KLHDC4: variants seen among roughly 807,000 people sequenced by gnomAD.
KLHDC4 encodes the protein kelch domain containing 4, also known as kelch domain-containing protein 4.
In KLHDC4, 90 loss-of-function variants were observed where a neutral mutation model predicts 62.4. The ratio of observed to expected loss-of-function variants is 1.44; its 90% CI spans 1.22 to 1.72. The LOEUF (loss-of-function observed/expected upper bound fraction) is 1.72. Ranked by LOEUF, KLHDC4 falls within the 40% of genes most tolerant of loss-of-function variation. The pLI is 0.00. For missense variants in KLHDC4, 1,025 were observed against 699.7 expected (o/e 1.47, Z -5.25); for synonymous variants, 386 against 284.4 (o/e 1.36, Z -3.59).
At chr16:87,744,071 G>C (rs1419524283) in intron 5 of KLHDC4, among the ~76,000 whole-genome samples, 1 of 152,142 alleles carries the variant, frequency 6.6e-6, no homozygotes, top group Non-Finnish European at 1.5e-5. Context: ...TTGAGGTCAG[G>C]AGTTCAAGAC....
chr16:87,753,117 G>A (rs912707887), intron 4 of KLHDC4, among the ~76,000 whole-genome samples: 1 of 152,354 alleles, frequency 6.6e-6, no homozygotes, highest in African/African-American at 2.4e-5. Context: ...CAGGGACGCA[G>A]AGGCAGCTAA....
At chr16:87,707,375 G>T (rs1018751036), downstream of KLHDC4, among the ~76,000 whole-genome samples, 1 of 152,218 alleles carries the variant, frequency 6.6e-6, no homozygotes, top group African/African-American at 2.4e-5. Context: ...CAGGGACAGG[G>T]ATGGTCCCAC....
chr16:87,734,890 T>C (rs1224114292), intron 5 of KLHDC4, among the ~76,000 whole-genome samples: 1 of 151,814 alleles, frequency 6.6e-6, no homozygotes, highest in African/African-American at 2.4e-5. Context: ...ACCCCACACA[T>C]GCGGAGCAAG....
At chr16:87,763,279 C>A (rs1156953682) in intron 1 of KLHDC4, among the ~76,000 whole-genome samples, 3 of 152,204 alleles carry the variant, frequency 2.0e-5, no homozygotes, top group Admixed American at 2.0e-4. Flanking sequence ...TATCCCTAAG[C>A]AACATATAGT....
chr16:87,705,926 C>T (rs1487578098), downstream of KLHDC4, among the ~76,000 whole-genome samples: 14 of 152,232 alleles, frequency 9.2e-5, no homozygotes, highest in Non-Finnish European at 1.3e-4. Context: ...GTGCCCAGAC[C>T]GGCCGCCAAA....
chr16:87,709,477 C>A lies in KLHDC4; in HGVS notation c.1235G>T (p.Arg412Leu). Residue 412 changes from arginine (R) to leucine (L), a missense_variant, in exon 10 of 12, where the codon CGG (arginine) becomes CTG (leucine). Coordinates refer to ENST00000270583, the MANE Select transcript of KLHDC4 (RefSeq NM_017566.4). ...CTCAAGGCTGTCTTCGTCCTCAGACCGGGGCTGCCCCGCCGAGCCTGGCGC... is the reference window on the plus strand; with the variant it reads ...CTCAAGGCTGTCTTCGTCCTCAGACAGGGGCTGCCCCGCCGAGCCTGGCGC... The part of the protein sequence containing the change: ...LTAPGSAGQP[R>L]SEDEDSLEEA... 1.2e-6 allele frequency: 2 copies of A among 1,611,090 alleles called. No homozygotes were observed.
At chr16:87,751,691 G>C (rs984998309) in intron 4 of KLHDC4, among the ~76,000 whole-genome samples, 2 of 152,052 alleles carry the variant, frequency 1.3e-5, no homozygotes, top group African/African-American at 2.4e-5. Flanking sequence ...GGCTCATGTG[G>C]GAGGATTGCT....
intron 7 of KLHDC4, among the ~76,000 whole-genome samples, chr16:87,717,620 C>G (rs898174599): frequency 2.0e-5 from 3 of 152,242 alleles, no homozygotes; most frequent in Non-Finnish European, 4.4e-5. Flanking sequence ...GTGATTGAGA[C>G]TAGTCTCTTT....
downstream of KLHDC4, among the ~76,000 whole-genome samples, chr16:87,706,297 G>A (rs1274231000): frequency 1.6e-5 from 2 of 126,272 alleles, no homozygotes. Context: ...GGGTGAGCTG[G>A]CACAACCCAA....
chr16:87,762,521 T>C (rs1427415459), intron 1 of KLHDC4, among the ~76,000 whole-genome samples: 1 of 152,216 alleles, frequency 6.6e-6, no homozygotes, highest in African/African-American at 2.4e-5. Context: ...TCCTGTCTGC[T>C]GAGCAGTGTC....
In KLHDC4 at chr16:87,708,343, C is replaced by T. The variant is rs1597366383; in HGVS notation, c.*1+7G>A. ...GCCGCGCCACCCGCCAGCCCGAGCCCGCTCACCTCAGTCCTCCGCACCGCT... is the reference window on the plus strand; with the variant it reads ...GCCGCGCCACCCGCCAGCCCGAGCCTGCTCACCTCAGTCCTCCGCACCGCT... On this transcript the variant is annotated splice_region_variant and intron_variant, in intron 11 of 11. Coordinates refer to ENST00000270583, the MANE Select transcript of KLHDC4 (RefSeq NM_017566.4). The T allele has an allele frequency of 6.4e-7, 1 of 1,570,178 alleles. No individual in the cohort carries two copies.
chr16:87,765,265 C>A (rs1333424754), intron 1 of KLHDC4: 1 of 455,946 alleles, frequency 2.2e-6, no homozygotes, highest in Non-Finnish European at 4.4e-6. Flanking sequence ...TACGGGATAC[C>A]CCGTGGCTCC....
At chr16:87,723,441 C>G (rs1375336885) in intron 7 of KLHDC4, among the ~76,000 whole-genome samples, 3 of 152,248 alleles carry the variant, frequency 2.0e-5, no homozygotes. Context: ...ACAGCTTAGC[C>G]GGTCTGGCTG....
intron 10 of KLHDC4, 48 bp from the exon 11 acceptor site, chr16:87,708,514 G>A: frequency 2.1e-6 from 3 of 1,451,692 alleles, no homozygotes; most frequent in Non-Finnish European, 2.8e-6. Context: ...AGCTGAGGCA[G>A]GTGGGGGAGG....
At chr16:87,715,059 T>C (rs1333856794) in intron 7 of KLHDC4, among the ~76,000 whole-genome samples, 1 of 152,174 alleles carries the variant, frequency 6.6e-6, no homozygotes, top group Non-Finnish European at 1.5e-5. Flanking sequence ...CCATGTCCCT[T>C]AGCCCTTAGT....
Position 87,765,877 on chromosome 16 carries a change from C to T in KLHDC4, c.14G>A (p.Gly5Asp), listed in dbSNP as rs1267018908. The part of the protein sequence containing the change: MGKK[G>D]KKEKKGRGAE... ...GCCGCGGCCCTTCTTCTCCTTCTTG[C>T]CCTTCTTGCCCATCTTGCCGGGTCC... is the stretch of plus-strand genomic sequence containing the variant. Residue 5 changes from glycine to aspartate, a missense_variant, in exon 1 of 12, where the codon GGC (glycine) becomes GAC (aspartate). Coordinates refer to ENST00000270583, the MANE Select transcript of KLHDC4 (RefSeq NM_017566.4). 2.6e-6 allele frequency: 4 copies of T among 1,550,872 alleles called. No homozygotes were observed.
At chr16:87,705,198 C>T (rs937641125), downstream of KLHDC4, among the ~76,000 whole-genome samples, 1 of 152,210 alleles carries the variant, frequency 6.6e-6, no homozygotes, top group East Asian at 1.9e-4. Flanking sequence ...CAGCAGCTCC[C>T]GGGAGACAGA....
At chr16:87,730,692 G>T in intron 5 of KLHDC4, 48 bp from the exon 6 acceptor site, 1 of 1,531,612 alleles carries the variant, frequency 6.5e-7, no homozygotes, top group Non-Finnish European at 9.0e-7. Context: ...TTAATTTCTG[G>T]TTGTTCTAAA....
intron 7 of KLHDC4, among the ~76,000 whole-genome samples, chr16:87,721,328 G>A (rs1195579938): frequency 6.6e-6 from 1 of 151,560 alleles, no homozygotes; most frequent in African/African-American, 2.4e-5. Context: ...GCAGGAGAAT[G>A]GCGTGAACCC....
Sources: allele counts gnomAD v4.1 joint callset (sites outside exome capture counted in the v4.1 genomes callset), GRCh38; gene constraint gnomAD v4.1.1; transcripts MANE v1.5; gene names NCBI Gene and HGNC (gene_info 2026-07-23, HGNC 2026-07-21).